Variants in CRYL1 observed in about 807,000 individuals in gnomAD.
CRYL1 encodes crystallin lambda 1, also known as lambda-crystallin homolog.
Under a neutral mutation model 36.6 loss-of-function variants are expected in CRYL1, and 29 were observed. The observed-to-expected ratio is 0.79, with a 90% CI of 0.59 to 1.08. The LOEUF is 1.08. Ranked by LOEUF, CRYL1 falls within the 50% of genes least tolerant of loss-of-function variation. The probability of loss-of-function intolerance (pLI) is 0.00; values close to 1 mark genes in which losing one functional copy is unlikely to be tolerated. For synonymous variants in CRYL1, 152 were observed against 151.5 expected (o/e 1.00, Z -0.02); for missense variants, 411 against 407.9 (o/e 1.01, Z -0.06).
At chr13:20,494,633 TC>T (rs1365294371) in intron 2 of CRYL1, among the ~76,000 whole-genome samples, 2 of 152,204 alleles carry the variant, frequency 1.3e-5, no homozygotes, top group Non-Finnish European at 2.9e-5. Context: ...TTCAAACCTT[TC>T]CACTAATCCA....
Position 20,459,097 on chromosome 13 carries a change from G to A in CRYL1, c.277-19343C>T, listed in dbSNP as rs986274545. Among the ~76,000 whole-genome samples the A allele has an allele frequency of 9.2e-5, 14 of 152,116 alleles. No homozygotes were observed. In the East Asian group the frequency reaches 1.2e-3, roughly 13 times the overall value. ...AAAAAATACAAAAAATTAGCTGGGCGTGGTGGCGGGTGCCTGTAGTCCCGG... is the reference window on the plus strand; with the variant it reads ...AAAAAATACAAAAAATTAGCTGGGCATGGTGGCGGGTGCCTGTAGTCCCGG... On this transcript the variant is annotated intron_variant, in intron 3 of 7. Coordinates refer to ENST00000298248, the MANE Select transcript of CRYL1 (RefSeq NM_015974.3).
At chr13:20,420,839 G>C (rs1483434705) in intron 5 of CRYL1, among the ~76,000 whole-genome samples, 1 of 151,206 alleles carries the variant, frequency 6.6e-6, no homozygotes, top group Non-Finnish European at 1.5e-5. Flanking sequence ...GGGTTCAAGC[G>C]ATTCTCCTGC....
intron 5 of CRYL1, among the ~76,000 whole-genome samples, chr13:20,419,861 C>T (rs550242406): frequency 2.6e-5 from 4 of 152,232 alleles, no homozygotes; most frequent in Non-Finnish European, 4.4e-5. Context: ...TTGCTTCCCC[C>T]ACATGCAACA....
intron 5 of CRYL1, chr13:20,431,279 T>G: frequency 2.0e-6 from 2 of 985,408 alleles, no homozygotes; most frequent in Non-Finnish European, 2.4e-6. Context: ...TGGAGCCAGG[T>G]GCAGATGACT....
At chr13:20,478,276 T>TA (rs748541902) in intron 3 of CRYL1, among the ~76,000 whole-genome samples, 1 of 152,204 alleles carries the variant, frequency 6.6e-6, no homozygotes, top group Non-Finnish European at 1.5e-5. Flanking sequence ...ACAGACTTTA[T>TA]AAAATTGTTT....
chr13:20,502,975 CACAGGA>C (rs1330741398), intron 2 of CRYL1, among the ~76,000 whole-genome samples: 14 of 152,170 alleles, frequency 9.2e-5, no homozygotes, highest in African/African-American at 1.4e-4. Context: ...ATGCACAGCA[CACAGGA>C]TCATGCCGGA....
chr13:20,439,543 A>AAC, intron 4 of CRYL1, 50 bp downstream of exon 4: 2 of 1,383,640 alleles, frequency 1.4e-6, no homozygotes, highest in African/African-American at 1.5e-5. Context: ...AAAAAAAAAA[A>AAC]CACAGAATGA....
intron 3 of CRYL1, among the ~76,000 whole-genome samples, chr13:20,471,972 T>C (rs2033071923): frequency 1.3e-5 from 2 of 152,140 alleles, no homozygotes; most frequent in African/African-American, 4.8e-5. Flanking sequence ...GCAATTCTCT[T>C]GCCTTAGCCT....
In CRYL1 at chr13:20,510,345, A is replaced by T. The variant is rs943436871; in HGVS notation, c.149+2098T>A. Among the ~76,000 whole-genome samples, 16 of 152,332 alleles carry T rather than the reference A, an allele frequency of 1.1e-4. No homozygotes were observed. The East Asian group carries it at 1.7e-3, about 17-fold the overall frequency. On this transcript the variant is annotated intron_variant, in intron 2 of 7. Transcript: ENST00000298248. ...ATTCAAGCTCAAGCCATGAAAAGAC[A>T]TGGAGGAAACTTAAATGCATTTTAC... is the stretch of plus-strand genomic sequence containing the variant.
At chr13:20,516,106 G>A (rs893068819) in intron 1 of CRYL1, among the ~76,000 whole-genome samples, 5 of 143,894 alleles carry the variant, frequency 3.5e-5, no homozygotes, top group East Asian at 2.1e-4. Context: ...CAGGACAATC[G>A]CTTGAACCGG....
At chr13:20,439,514 C>CAAAAAAAAAAAAAAGAAAA in intron 4 of CRYL1, 79 bp downstream of exon 4, 1 of 330,902 alleles carries the variant, frequency 3.0e-6, no homozygotes, top group Non-Finnish European at 4.6e-6. Flanking sequence ...CCCTCCCCCG[C>CAAAAAAAAAAAAAAGAAAA]AAAAAAAAAA....
At chr13:20,406,898 CA>C (rs1466810993) in intron 6 of CRYL1, among the ~76,000 whole-genome samples, 1 of 151,616 alleles carries the variant, frequency 6.6e-6, no homozygotes, top group African/African-American at 2.4e-5. Flanking sequence ...AGCCACAGGC[CA>C]GGGGTTCAGT....
At chr13:20,413,000 A>G (rs549265652) in intron 6 of CRYL1, among the ~76,000 whole-genome samples, 1 of 152,316 alleles carries the variant, frequency 6.6e-6, no homozygotes, top group East Asian at 1.9e-4. Context: ...GCTGGGTGAC[A>G]TGCTGCGAAG....
chr13:20,501,202 G>A (rs1164395385), intron 2 of CRYL1, among the ~76,000 whole-genome samples: 1 of 152,184 alleles, frequency 6.6e-6, no homozygotes, highest in Non-Finnish European at 1.5e-5. Flanking sequence ...GTGAGCAGCA[G>A]CACCTAGACC....
At chr13:20,460,587 G>A (rs1043673233) in intron 3 of CRYL1, among the ~76,000 whole-genome samples, 30 of 127,548 alleles carry the variant, frequency 2.4e-4, no homozygotes, top group South Asian at 2.7e-4. Context: ...GTGCAGTGGC[G>A]CTATCTCGGC....
chr13:20,421,038 T>C (rs531509426), intron 5 of CRYL1, among the ~76,000 whole-genome samples: 2 of 138,396 alleles, frequency 1.4e-5, no homozygotes, highest in East Asian at 2.1e-4. Context: ...CAGCCTAAAA[T>C]AGAGCTTTTA....
chr13:20,405,875 C>CCCCGA (rs1274510301), intron 6 of CRYL1: 4 of 152,436 alleles, frequency 2.6e-5, no homozygotes, highest in African/African-American at 9.7e-5. Flanking sequence ...CACTGGCCTG[C>CCCCGA]CCCGACCCGC....
intron 5 of CRYL1, among the ~76,000 whole-genome samples, chr13:20,429,458 A>C (rs1306352004): frequency 6.6e-6 from 1 of 152,128 alleles, no homozygotes; most frequent in African/African-American, 2.4e-5. Context: ...AGGTTTGTTC[A>C]CTTTTGCTGA....
intron 3 of CRYL1, among the ~76,000 whole-genome samples, chr13:20,446,472 C>T (rs754455670): frequency 1.3e-5 from 2 of 152,290 alleles, no homozygotes; most frequent in South Asian, 4.1e-4. Flanking sequence ...AAGGAAAAGG[C>T]CCCCACTGAT....
Sources: allele counts gnomAD v4.1 joint callset (sites outside exome capture counted in the v4.1 genomes callset), GRCh38; gene constraint gnomAD v4.1.1; transcripts MANE v1.5; gene names NCBI Gene and HGNC (gene_info 2026-07-23, HGNC 2026-07-21).